The following PTPRG variants were observed in gnomAD, a reference collection of about 807,000 sequenced individuals.
The protein encoded by PTPRG is protein tyrosine phosphatase receptor type G, also known as receptor-type tyrosine-protein phosphatase gamma.
PTPRG carries 102 observed loss-of-function variants against 165.3 expected under a neutral mutation model. The ratio of observed to expected loss-of-function variants is 0.62; its 90% confidence interval spans 0.53 to 0.73. The LOEUF is 0.73. Among genes scored for constraint, PTPRG ranks in the 30% least tolerant of loss-of-function variants. The pLI, the probability that PTPRG is intolerant of heterozygous loss-of-function variation, is 0.00. For missense variants in PTPRG, 1,866 were observed against 1,861.4 expected (o/e 1.00, Z -0.05); for synonymous variants, 675 against 669.5 (o/e 1.01, Z -0.13).
rs182311666 is a variant in PTPRG at position 61,600,467 on chromosome 3, G to A, written c.85+38095G>A. On this transcript the variant is annotated intron_variant, in intron 1 of 29. Transcript: ENST00000474889. ...ATTTGTCAGGGGTAATTTTGACTCT[G>A]GATGAAACCTTTTACTTTGTCTTTT... Among the ~76,000 whole-genome samples, 420 of 152,140 alleles carry A rather than the reference G, an allele frequency of 2.8e-3. 1 individual carries two copies. The highest frequency in any genetic ancestry group is 5.0e-3 in the Admixed American group (77 of 15,268).
chr3:62,200,809 G>A (rs73098568), intron 10 of PTPRG, among the ~76,000 whole-genome samples: 5,904 of 152,226 alleles, frequency 0.039, 154 homozygotes, highest in Non-Finnish European at 0.063. Context: ...TACACAAAAG[G>A]TAAGGTGGGC....
chr3:61,665,144 A>G (rs1451147397), intron 1 of PTPRG, among the ~76,000 whole-genome samples: 1 of 152,158 alleles, frequency 6.6e-6, no homozygotes, highest in Non-Finnish European at 1.5e-5. Flanking sequence ...AATCTTGTGT[A>G]GTAGGTAGGG....
At chr3:61,847,141 TATA>T (rs150265020) in intron 2 of PTPRG, among the ~76,000 whole-genome samples, 2,139 of 152,242 alleles carry the variant, frequency 0.014, 25 homozygotes, top group Non-Finnish European at 0.023. Flanking sequence ...TTGCTACAGA[TATA>T]ATGAGTTAAG....
intron 2 of PTPRG, among the ~76,000 whole-genome samples, chr3:61,940,232 G>A (rs2039586254): frequency 6.6e-6 from 1 of 152,074 alleles, no homozygotes; most frequent in African/African-American, 2.4e-5. Flanking sequence ...TTACAGGCGT[G>A]AGCCACCGTG....
chr3:62,113,826 C>G (rs1014328179), intron 5 of PTPRG, among the ~76,000 whole-genome samples: 13 of 148,778 alleles, frequency 8.7e-5, no homozygotes, highest in Admixed American at 1.3e-4. Context: ...TTTCCTCATC[C>G]TTTTTAACTA....
chr3:61,939,652 T>G (rs971337665), intron 2 of PTPRG, among the ~76,000 whole-genome samples: 1 of 152,214 alleles, frequency 6.6e-6, no homozygotes, highest in Admixed American at 6.5e-5. Context: ...TATATTTAAC[T>G]TTATTCTCCT....
intron 2 of PTPRG, among the ~76,000 whole-genome samples, chr3:61,766,665 G>A (rs1338836664): frequency 6.6e-6 from 1 of 150,594 alleles, no homozygotes; most frequent in Non-Finnish European, 1.5e-5. Flanking sequence ...TGCCCAGATT[G>A]GAGTGTGGTG....
At chr3:61,840,051 A>G (rs967405085) in intron 2 of PTPRG, among the ~76,000 whole-genome samples, 2 of 152,232 alleles carry the variant, frequency 1.3e-5, no homozygotes, top group Non-Finnish European at 2.9e-5. Flanking sequence ...ATATTTATGT[A>G]TACACTTATA....
chr3:61,705,608 G>C (rs1244013541), intron 1 of PTPRG, among the ~76,000 whole-genome samples: 1 of 152,206 alleles, frequency 6.6e-6, no homozygotes, highest in Non-Finnish European at 1.5e-5. Context: ...CAATAAAGAA[G>C]AGTCATTGAT....
At chr3:62,016,070 A>G (rs1575890981) in intron 4 of PTPRG, among the ~76,000 whole-genome samples, 1 of 152,242 alleles carries the variant, frequency 6.6e-6, no homozygotes, top group South Asian at 2.1e-4. Flanking sequence ...CATTAAGCAC[A>G]TTATTAATAG....
chr3:62,096,081 C>T (rs1702098379), intron 5 of PTPRG, among the ~76,000 whole-genome samples: 1 of 151,964 alleles, frequency 6.6e-6, no homozygotes, highest in South Asian at 2.1e-4. Context: ...GAGAGTTGAG[C>T]TGGAGAGAAG....
At chr3:61,932,335 A>T (rs912586567) in intron 2 of PTPRG, among the ~76,000 whole-genome samples, 4 of 152,206 alleles carry the variant, frequency 2.6e-5, no homozygotes, top group Admixed American at 1.3e-4. Context: ...ATAAAATTCC[A>T]TTTCATTTCT....
Position 62,213,075 on chromosome 3 carries a change from G to T in PTPRG, c.2156-5776G>T, listed in dbSNP as rs1700403039. 6.6e-6 allele frequency among the ~76,000 whole-genome samples: 1 copy of T among 152,138 alleles called. No homozygotes were observed. Among genetic ancestry groups the T allele is most frequent in the Non-Finnish European group, 1.5e-5 (1 of 68,024 alleles). The stretch of plus-strand genomic sequence containing the variant: ...AGGGAAGCAAACCCCCAGTAACTGG[G>T]CAGCTCAGTTCTGCTGGACCCTTCA... On this transcript the variant is annotated intron_variant, in intron 12 of 29. Transcript: ENST00000474889. This position sits in a 1 kb window ranked among gnomAD's most constrained non-coding sequence, Gnocchi z 4.4.
At chr3:61,757,446 G>A (rs2033668025) in intron 2 of PTPRG, among the ~76,000 whole-genome samples, 1 of 151,972 alleles carries the variant, frequency 6.6e-6, no homozygotes, top group African/African-American at 2.4e-5. Context: ...AACCTAAAAG[G>A]GAAGCCAGAA....
chr3:62,007,947 C>T (rs2041335149), intron 4 of PTPRG, among the ~76,000 whole-genome samples: 1 of 152,196 alleles, frequency 6.6e-6, no homozygotes, highest in African/African-American at 2.4e-5. Flanking sequence ...TGTGGTACAA[C>T]AGACTTTGCA....
At chr3:62,048,925 G>A (rs915777128) in intron 4 of PTPRG, among the ~76,000 whole-genome samples, 39 of 152,178 alleles carry the variant, frequency 2.6e-4, no homozygotes, top group African/African-American at 9.4e-4. Flanking sequence ...AAGGGAGTTT[G>A]AGATAAGCTT....
intron 2 of PTPRG, among the ~76,000 whole-genome samples, chr3:61,880,195 C>T (rs2037845468): frequency 6.6e-6 from 1 of 152,186 alleles, no homozygotes. Context: ...GGGGAAATAA[C>T]AGTTAATAAG....
intron 15 of PTPRG, among the ~76,000 whole-genome samples, chr3:62,246,155 A>C (rs1701285211): frequency 6.6e-6 from 1 of 152,206 alleles, no homozygotes; most frequent in Non-Finnish European, 1.5e-5. Flanking sequence ...CCACTGAATG[A>C]GAAGCCCATG....
At chr3:61,754,771 A>T (rs1333407634) in intron 2 of PTPRG, among the ~76,000 whole-genome samples, 1 of 152,208 alleles carries the variant, frequency 6.6e-6, no homozygotes, top group Non-Finnish European at 1.5e-5. Context: ...TTACATTTTC[A>T]TGTCTATTTT....
Sources: gnomAD v4.1 joint callset for allele counts (sites outside exome capture counted in the v4.1 genomes callset) on GRCh38, gnomAD v4.1.1 for gene constraint, Gnocchi (gnomAD v3.1) non-coding constraint, MANE v1.5 for transcripts, NCBI Gene and HGNC (gene_info 2026-07-23, HGNC 2026-07-21) for gene names.